The following GRIK1 variants were observed in gnomAD, a reference collection of about 807,000 sequenced individuals.
GRIK1 encodes the protein glutamate receptor ionotropic, kainate 1.
GRIK1 carries 69 observed loss-of-function variants against 105.7 expected under a neutral mutation model. The ratio of observed to expected loss-of-function variants is 0.65; its 90% CI spans 0.54 to 0.80. GRIK1 has a LOEUF of 0.80. Ranked by LOEUF, GRIK1 falls within the 30% of genes least tolerant of loss-of-function variation. The probability of loss-of-function intolerance (pLI) is 0.00; values close to 1 mark genes in which losing one functional copy is unlikely to be tolerated. For synonymous variants in GRIK1, 438 were observed against 431.3 expected, an observed-to-expected ratio of 1.02 and a Z score of -0.19; for missense variants, 1,109 against 1,167.3, an observed-to-expected ratio of 0.95 and a Z score of 0.73.
chr21:29,685,803 C>T (rs112717661), intron 3 of GRIK1, among the ~76,000 whole-genome samples: 8 of 152,134 alleles, frequency 5.3e-5, no homozygotes, highest in African/African-American at 1.9e-4. Context: ...CTCCTGACCC[C>T]CGGTATCCTA....
chr21:29,896,199 C>T (rs574854886), intron 1 of GRIK1, among the ~76,000 whole-genome samples: 14 of 152,248 alleles, frequency 9.2e-5, no homozygotes, highest in Admixed American at 2.0e-4. Context: ...ATCAGTGAGG[C>T]GAATTGTGTG....
At chr21:29,936,964 C>T (rs562283171) in intron 1 of GRIK1, among the ~76,000 whole-genome samples, 1 of 151,988 alleles carries the variant, frequency 6.6e-6, no homozygotes, top group African/African-American at 2.4e-5. Context: ...ATCTAGAGAC[C>T]CTTTTTATTG....
At chr21:29,543,876 TG>T (rs2090010127) in intron 16 of GRIK1, among the ~76,000 whole-genome samples, 1 of 152,214 alleles carries the variant, frequency 6.6e-6, no homozygotes, top group East Asian at 1.9e-4. Context: ...CCATGGGAAA[TG>T]ACTCTCGAAA....
rs201272755 is a variant in GRIK1, at chr21:29,689,719, G to C, written c.544+9C>G. 1.2e-6 allele frequency: 2 copies of C among 1,613,068 alleles called. No individual in the cohort carries two copies. Among genetic ancestry groups the C allele is most frequent in the Non-Finnish European group, 1.7e-6 (2 of 1,179,050 alleles). On this transcript the variant is annotated intron_variant, in intron 3 of 17. Coordinates refer to ENST00000327783, the MANE Select transcript of GRIK1 (RefSeq NM_001330994.2). ...CATGGTCGGGTGAGGTCTTGTGTGA[G>C]TCCCATACCTGTGCTGTCTTCATAC...
At chr21:29,706,802 T>C (rs952980618) in intron 1 of GRIK1, among the ~76,000 whole-genome samples, 1 of 152,248 alleles carries the variant, frequency 6.6e-6, no homozygotes, top group Non-Finnish European at 1.5e-5. Flanking sequence ...GAAAGTCCAC[T>C]TGACTGCTCA....
intron 1 of GRIK1, among the ~76,000 whole-genome samples, chr21:29,909,995 G>A (rs1296840263): frequency 5.9e-5 from 9 of 152,050 alleles, no homozygotes; most frequent in Non-Finnish European, 7.4e-5. Flanking sequence ...CTCTCAAGAA[G>A]CATGATGACC....
chr21:29,585,531 C>T (rs558350379), intron 12 of GRIK1, among the ~76,000 whole-genome samples: 3 of 152,250 alleles, frequency 2.0e-5, no homozygotes, highest in African/African-American at 7.2e-5. Context: ...TTCTACTCAT[C>T]AACATCACTG....
At chr21:29,797,268 C>A (rs1171916838) in intron 1 of GRIK1, among the ~76,000 whole-genome samples, 1 of 152,148 alleles carries the variant, frequency 6.6e-6, no homozygotes, top group African/African-American at 2.4e-5. Context: ...GGAGGAAGGT[C>A]TGAGGAAGCC....
chr21:29,779,524 C>T (rs1050885144), intron 1 of GRIK1, among the ~76,000 whole-genome samples: 3 of 151,460 alleles, frequency 2.0e-5, no homozygotes, highest in Non-Finnish European at 4.4e-5. Flanking sequence ...TGTGTGATCC[C>T]AACTAAAGTT....
chr21:29,803,372 A>C (rs1180808349), intron 1 of GRIK1, among the ~76,000 whole-genome samples: 1 of 152,196 alleles, frequency 6.6e-6, no homozygotes, highest in Non-Finnish European at 1.5e-5. Context: ...AGTAATCAGC[A>C]ATTATATGCA....
At chr21:29,709,652 A>G (rs756358558) in intron 1 of GRIK1, among the ~76,000 whole-genome samples, 4 of 151,936 alleles carry the variant, frequency 2.6e-5, no homozygotes, top group Non-Finnish European at 5.9e-5. Context: ...TTATATCAGG[A>G]TATTTATATT....
intron 12 of GRIK1, among the ~76,000 whole-genome samples, chr21:29,585,185 A>C (rs1026355762): frequency 2.0e-5 from 3 of 152,134 alleles, no homozygotes; most frequent in Non-Finnish European, 4.4e-5. Context: ...CGGTGAGTAG[A>C]ACTACTGAAT....
intron 1 of GRIK1, among the ~76,000 whole-genome samples, chr21:29,791,780 G>A (rs769009647): frequency 3.3e-5 from 5 of 152,184 alleles, no homozygotes; most frequent in Non-Finnish European, 7.3e-5. Flanking sequence ...TTACTGTAGA[G>A]AGGAAGAACC....
chr21:29,718,389 A>G (rs1300072611), intron 1 of GRIK1, among the ~76,000 whole-genome samples: 1 of 152,232 alleles, frequency 6.6e-6, no homozygotes, highest in Admixed American at 6.5e-5. Context: ...AAATGGAGTA[A>G]CTAGAAGCCT....
intron 2 of GRIK1, among the ~76,000 whole-genome samples, chr21:29,692,849 C>T (rs941637127): frequency 4.6e-5 from 7 of 152,128 alleles, no homozygotes; most frequent in Admixed American, 1.3e-4. Flanking sequence ...CTGGGATTAC[C>T]GGCATGAGCC....
At chr21:29,823,556 GT>G (rs2067363867) in intron 1 of GRIK1, among the ~76,000 whole-genome samples, 1 of 151,842 alleles carries the variant, frequency 6.6e-6, no homozygotes, top group Non-Finnish European at 1.5e-5. Flanking sequence ...AGAACCATCA[GT>G]TTTGGAAATA....
intron 1 of GRIK1, among the ~76,000 whole-genome samples, chr21:29,787,965 T>A (rs2066304674): frequency 6.6e-6 from 1 of 152,232 alleles, no homozygotes; most frequent in Admixed American, 6.5e-5. Flanking sequence ...GGTCGAAGAA[T>A]CTTTGTACGA....
intron 1 of GRIK1, among the ~76,000 whole-genome samples, chr21:29,783,687 G>A (rs1212563710): frequency 6.6e-6 from 1 of 151,998 alleles, no homozygotes; most frequent in Non-Finnish European, 1.5e-5. Context: ...TACACATAAT[G>A]CTGCATTTAT....
At chr21:29,791,197 T>C (rs2066404099) in intron 1 of GRIK1, among the ~76,000 whole-genome samples, 1 of 152,018 alleles carries the variant, frequency 6.6e-6, no homozygotes, top group Non-Finnish European at 1.5e-5. Flanking sequence ...CTTCGCAAGA[T>C]GTGGTAAGGG....
Sources: allele counts gnomAD v4.1 joint callset (sites outside exome capture counted in the v4.1 genomes callset), GRCh38; gene constraint gnomAD v4.1.1; transcripts MANE v1.5; gene names NCBI Gene and HGNC (gene_info 2026-07-23, HGNC 2026-07-21).